Variants in KLF8 observed in about 807,000 individuals in gnomAD.
KLF8 encodes the protein Krueppel-like factor 8.
In KLF8, 10 loss-of-function variants were observed where a neutral mutation model predicts 18.2. That is an observed-to-expected ratio of 0.55 (90% CI 0.34 to 0.93). The LOEUF (loss-of-function observed/expected upper bound fraction) is 0.93, where lower values mean the gene tolerates loss of function less well. Among genes scored for constraint, KLF8 ranks in the 40% least tolerant of loss-of-function variants. The probability of loss-of-function intolerance (pLI) is 0.02; values close to 1 mark genes in which losing one functional copy is unlikely to be tolerated. For synonymous variants in KLF8, 109 were observed against 97.3 expected, an observed-to-expected ratio of 1.12 and a Z score of -0.71; for missense variants, 264 against 277.9, an observed-to-expected ratio of 0.95 and a Z score of 0.36.
the KLF8 span, among the ~76,000 whole-genome samples, chrX:56,219,627 A>G: frequency 9.5e-4 from 106 of 111,954 alleles, no homozygotes; most frequent in African/African-American, 3.4e-3. Context: ...CCTCTCCCCA[A>G]TGTCCTCACC....
chrX:56,216,177 T>C, the KLF8 span, among the ~76,000 whole-genome samples: 1 of 110,078 alleles, frequency 9.1e-6, no homozygotes, highest in East Asian at 2.8e-4. Flanking sequence ...CCCTACCTAG[T>C]GTAAGTTGTA....
the KLF8 span, among the ~76,000 whole-genome samples, chrX:56,153,174 A>G: frequency 2.7e-5 from 3 of 111,226 alleles, no homozygotes; most frequent in South Asian, 3.8e-4. Context: ...TATGAAAAAT[A>G]TTGCATTTCC....
rs1289617438 is a variant in KLF8 at position 56,287,497 on chromosome X, C to T, written c.*3003C>T. 1.8e-4 allele frequency: 20 copies of T among 111,933 alleles called. No individual in the cohort carries two copies. Among genetic ancestry groups the T allele is most frequent in the Admixed American group, 1.5e-3 (16 of 10,587 alleles). The allele number at this position is 111,933 out of a possible 1,213,427, so 9.2% of individuals were successfully genotyped here. A position where few individuals can be genotyped will look rare whatever the true frequency, so the allele number is the denominator to read the frequency against. ...TGTTGTGTTTACAACAGCAAAGCAC[C>T]GTTAGCCTGGACAGTTGCTTATGGC... On this transcript the variant is annotated 3_prime_UTR_variant, in exon 6 of 6. Transcript: ENST00000468660.
chrX:56,135,348 A>G, the KLF8 span, among the ~76,000 whole-genome samples: 3 of 111,625 alleles, frequency 2.7e-5, no homozygotes, highest in Non-Finnish European at 5.7e-5. Context: ...TGGCACATAT[A>G]CACCATGGAA....
chrX:55,929,654 G>A, the KLF8 span, among the ~76,000 whole-genome samples: 2 of 111,128 alleles, frequency 1.8e-5, no homozygotes, highest in African/African-American at 6.6e-5. Flanking sequence ...TTTTTGCCAG[G>A]TTTGTCAAAG....
At chrX:56,109,427 A>C in the KLF8 span, among the ~76,000 whole-genome samples, 1 of 109,827 alleles carries the variant, frequency 9.1e-6, no homozygotes, top group African/African-American at 3.3e-5. Flanking sequence ...TTCTATTCTG[A>C]AGAATGTTCC....
At chrX:56,092,206 T>C in the KLF8 span, among the ~76,000 whole-genome samples, 2 of 111,639 alleles carry the variant, frequency 1.8e-5, no homozygotes, top group African/African-American at 6.5e-5. Flanking sequence ...TTCTTGTAGA[T>C]TCCAGATATT....
At chrX:55,941,604 C>G in the KLF8 span, among the ~76,000 whole-genome samples, 3 of 111,541 alleles carry the variant, frequency 2.7e-5, no homozygotes, top group Non-Finnish European at 3.8e-5. Context: ...TGGGAGAAAA[C>G]TTTCACAACC....
chrX:56,105,072 C>A, the KLF8 span, among the ~76,000 whole-genome samples: 1 of 112,059 alleles, frequency 8.9e-6, no homozygotes, highest in South Asian at 3.7e-4. Flanking sequence ...GCACTGTGGT[C>A]TGAGAGACAG....
the KLF8 span, among the ~76,000 whole-genome samples, chrX:55,954,279 T>C: frequency 6.3e-5 from 7 of 111,735 alleles, no homozygotes; most frequent in East Asian, 1.7e-3. Context: ...ACCATCTTAC[T>C]ACAAGGAAAG....
chrX:56,271,240 C>G, intron 5 of KLF8, among the ~76,000 whole-genome samples: 1 of 110,761 alleles, frequency 9.0e-6, no homozygotes, highest in Non-Finnish European at 1.9e-5. Context: ...AATCAATCCC[C>G]CATGGATACT....
the KLF8 span, among the ~76,000 whole-genome samples, chrX:56,127,835 A>G: frequency 8.9e-6 from 1 of 112,214 alleles, no homozygotes; most frequent in Non-Finnish European, 1.9e-5. Context: ...TAAATTGAGT[A>G]TCTACAAAGT....
chrX:56,039,153 G>T, the KLF8 span, among the ~76,000 whole-genome samples: 6 of 112,037 alleles, frequency 5.4e-5, no homozygotes, highest in African/African-American at 1.3e-4. Context: ...CTACCATTTT[G>T]TAGGTTCTTT....
chrX:55,954,043 C>T, the KLF8 span, among the ~76,000 whole-genome samples: 1 of 109,412 alleles, frequency 9.1e-6, no homozygotes. Flanking sequence ...AACGTATTTG[C>T]AAATCATACT....
the KLF8 span, among the ~76,000 whole-genome samples, chrX:56,177,325 G>A: frequency 1.8e-5 from 2 of 111,136 alleles, no homozygotes; most frequent in Non-Finnish European, 3.8e-5. Flanking sequence ...CTAACAGTCA[G>A]GACCCTCAGC....
At chrX:56,120,993 T>C in the KLF8 span, among the ~76,000 whole-genome samples, 9 of 110,343 alleles carry the variant, frequency 8.2e-5, no homozygotes, top group South Asian at 3.9e-4. Flanking sequence ...GAGACCATCC[T>C]GGCTAACACA....
chrX:56,161,763 C>T, the KLF8 span, among the ~76,000 whole-genome samples: 2 of 112,009 alleles, frequency 1.8e-5, no homozygotes, highest in African/African-American at 3.2e-5. Flanking sequence ...GCCTTCTGCT[C>T]TCAACTCGTC....
the KLF8 span, among the ~76,000 whole-genome samples, chrX:56,153,855 T>C: frequency 1.8e-5 from 2 of 111,249 alleles, no homozygotes; most frequent in Non-Finnish European, 1.9e-5. Flanking sequence ...ATAAAATACC[T>C]AGGAATCCAA....
At chrX:55,936,332 A>C in the KLF8 span, among the ~76,000 whole-genome samples, 1 of 112,558 alleles carries the variant, frequency 8.9e-6, no homozygotes, top group African/African-American at 3.2e-5. Context: ...CAAGACAAAA[A>C]AAGCAATTAC....
Sources: allele counts gnomAD v4.1 joint callset (sites outside exome capture counted in the v4.1 genomes callset), GRCh38; gene constraint gnomAD v4.1.1; transcripts MANE v1.5; gene names NCBI Gene and HGNC (gene_info 2026-07-23, HGNC 2026-07-21).